The following LHX8 variants were observed in gnomAD, a reference collection of about 807,000 sequenced individuals.
LHX8 encodes the protein LIM/homeobox protein Lhx8.
Under a neutral mutation model 40.3 loss-of-function variants are expected in LHX8, and 12 were observed. The observed-to-expected ratio is 0.30, with a 90% confidence interval of 0.19 to 0.48. The LOEUF (loss-of-function observed/expected upper bound fraction) is 0.48, where lower values mean the gene tolerates loss of function less well. Ranked by LOEUF, LHX8 falls within the 20% of genes least tolerant of loss-of-function variation. The probability of loss-of-function intolerance (pLI) is 0.99; values close to 1 mark genes in which losing one functional copy is unlikely to be tolerated. For synonymous variants in LHX8, 179 were observed against 162.0 expected, an observed-to-expected ratio of 1.10 and a Z score of -0.80; for missense variants, 344 against 433.7, an observed-to-expected ratio of 0.79 and a Z score of 1.84.
chr1:75,144,934 A>G (rs1310939636), intron 6 of LHX8, among the ~76,000 whole-genome samples: 1 of 152,072 alleles, frequency 6.6e-6, no homozygotes, highest in Non-Finnish European at 1.5e-5. Flanking sequence ...TCAGGAGATA[A>G]TTTTTATTTT....
Position 75,137,275 on chromosome 1 carries a change from T to G in LHX8, c.237+14T>G, listed in dbSNP as rs1188259633. ...TACCTTCTCAAGGTAGGATAGGGCC[T>G]CGGGTGCGAGGCCCAAGGGGAGCGG... On this transcript the variant is annotated intron_variant, in intron 3 of 8. Transcript: ENST00000356261. 5.0e-6 allele frequency: 8 copies of G among 1,613,000 alleles called. No individual in the cohort carries two copies. Among genetic ancestry groups the G allele is most frequent in the Admixed American group, 1.7e-5 (1 of 59,984 alleles).
At chr1:75,165,268 T>G (rs1198403622), downstream of LHX8, among the ~76,000 whole-genome samples, 1 of 152,200 alleles carries the variant, frequency 6.6e-6, no homozygotes, top group African/African-American at 2.4e-5. Flanking sequence ...GGAATTGAAA[T>G]TTAGGAAGCT....
At chr1:75,152,878 A>G (rs1483079273) in intron 7 of LHX8, among the ~76,000 whole-genome samples, 1 of 152,166 alleles carries the variant, frequency 6.6e-6, no homozygotes, top group Non-Finnish European at 1.5e-5. Flanking sequence ...TATATTATCA[A>G]TGAGCTTGAA....
the LHX8 span, among the ~76,000 whole-genome samples, chr1:75,184,315 A>G: frequency 0.051 from 7,724 of 152,312 alleles, 213 homozygotes; most frequent in Middle Eastern, 0.095. Context: ...AACAGAATAT[A>G]CATTCTTCTC....
intron 1 of LHX8, 73 bp downstream of exon 1, chr1:75,135,027 G>T: frequency 2.7e-6 from 2 of 739,058 alleles, no homozygotes; most frequent in Non-Finnish European, 3.3e-6. Context: ...AGGACTGGGC[G>T]GCTGTCGGGT....
At chr1:75,192,444 A>G in the LHX8 span, among the ~76,000 whole-genome samples, 1 of 152,178 alleles carries the variant, frequency 6.6e-6, no homozygotes, top group African/African-American at 2.4e-5. Flanking sequence ...TATCAGAATA[A>G]CAGTGAAGTT....
At chr1:75,183,856 C>A in the LHX8 span, among the ~76,000 whole-genome samples, 1 of 152,190 alleles carries the variant, frequency 6.6e-6, no homozygotes, top group African/African-American at 2.4e-5. Context: ...AACCAAGACC[C>A]AGCAGTATGC....
the LHX8 span, among the ~76,000 whole-genome samples, chr1:75,179,595 A>T: frequency 4.0e-3 from 584 of 144,944 alleles, 6 homozygotes; most frequent in Admixed American, 0.024. Flanking sequence ...TGCACATGAG[A>T]TGGGTCTCCT....
At chr1:75,134,061 A>T (rs572081701), upstream of LHX8, among the ~76,000 whole-genome samples, 1 of 152,172 alleles carries the variant, frequency 6.6e-6, no homozygotes, top group South Asian at 2.1e-4. Context: ...CTTGCTGCAG[A>T]AAGAGATGTA....
chr1:75,197,752 C>T, the LHX8 span, among the ~76,000 whole-genome samples: 1 of 152,090 alleles, frequency 6.6e-6, no homozygotes, highest in African/African-American at 2.4e-5. Context: ...AGATTTGAAG[C>T]CTGCAGTTTT....
intron 3 of LHX8, among the ~76,000 whole-genome samples, chr1:75,140,591 A>G (rs768549551): frequency 2.6e-5 from 4 of 152,166 alleles, no homozygotes; most frequent in Non-Finnish European, 5.9e-5. Context: ...TTCTTTAACC[A>G]CAAGGTTTCA....
chr1:75,141,434 CCT>C (rs1446217276), intron 4 of LHX8, among the ~76,000 whole-genome samples: 1 of 151,956 alleles, frequency 6.6e-6, no homozygotes, highest in Non-Finnish European at 1.5e-5. Flanking sequence ...TGACAACGCC[CCT>C]GTTTGGTGGG....
chr1:75,159,465 T>A (rs529603913), intron 8 of LHX8: 1 of 152,120 alleles, frequency 6.6e-6, no homozygotes, highest in Non-Finnish European at 1.5e-5. Flanking sequence ...TGAACTATTT[T>A]TCTAGTTCAC....
Position 75,137,220 on chromosome 1 carries a change from A to C in LHX8, c.196A>C (p.Asn66His). The change falls in exon 3 of 9, where the codon AAC becomes CAC. Residue 66 changes from asparagine to histidine, a missense_variant. This residue lies in a region of LHX8 where 108 missense variants were observed against 90.1 expected (regional missense o/e 1.20). Coordinates refer to ENST00000356261, the MANE Select transcript of LHX8 (RefSeq NM_001256114.2). ...CTGCCCTCCTGGCAAGTGTGTGTGC[A>C]ACAGTTGCGGCCTGGAGATCGTGGA... ...SGCPPGKCVC[N>H]SCGLEIVDKY... 1.2e-6 allele frequency: 2 copies of C among 1,613,610 alleles called. No homozygotes were observed. Among genetic ancestry groups the C allele is most frequent in the Non-Finnish European group, 8.5e-7 (1 of 1,179,982 alleles).
chr1:75,133,342 C>T (rs1311079923), upstream of LHX8, among the ~76,000 whole-genome samples: 1 of 152,214 alleles, frequency 6.6e-6, no homozygotes, highest in East Asian at 1.9e-4. Context: ...ATCTCCTCCG[C>T]TAGCCGGCTG....
chr1:75,152,397 A>G (rs1165373158), intron 7 of LHX8, among the ~76,000 whole-genome samples: 1 of 152,232 alleles, frequency 6.6e-6, no homozygotes, highest in East Asian at 1.9e-4. Context: ...CACTGTTCAC[A>G]TACTCTTTCA....
the LHX8 span, among the ~76,000 whole-genome samples, chr1:75,174,270 C>T: frequency 2.0e-5 from 3 of 152,134 alleles, no homozygotes; most frequent in African/African-American, 7.2e-5. Context: ...CCTGGCCATC[C>T]TGGAGTCTGG....
intron 6 of LHX8, among the ~76,000 whole-genome samples, chr1:75,146,236 A>G (rs1185398544): frequency 1.3e-5 from 2 of 152,190 alleles, no homozygotes; most frequent in Non-Finnish European, 2.9e-5. Context: ...AGTCAAGACT[A>G]TCTAGTCAGT....
chr1:75,196,435 C>T, the LHX8 span, among the ~76,000 whole-genome samples: 1 of 152,126 alleles, frequency 6.6e-6, no homozygotes, highest in African/African-American at 2.4e-5. Context: ...ATACACATGG[C>T]ACTCTTTAAT....
Sources: allele counts gnomAD v4.1 joint callset (sites outside exome capture counted in the v4.1 genomes callset), GRCh38; gene constraint gnomAD v4.1.1; regional missense constraint gnomAD v4.1.1; transcripts MANE v1.5; gene names NCBI Gene and HGNC (gene_info 2026-07-23, HGNC 2026-07-21).